Variants in BBX observed in about 807,000 individuals in gnomAD.
BBX encodes the protein BBX high mobility group box domain containing.
Under a neutral mutation model 100.2 loss-of-function variants are expected in BBX, and 30 were observed. The observed-to-expected ratio is 0.30, with a 90% CI of 0.22 to 0.41. BBX has a LOEUF of 0.41. Among genes scored for constraint, BBX ranks in the 10% least tolerant of loss-of-function variants. The pLI, the probability that BBX is intolerant of heterozygous loss-of-function variation, is 1.00. For missense variants in BBX, 1,023 were observed against 1,129.8 expected, an observed-to-expected ratio of 0.91 and a Z score of 1.35; for synonymous variants, 376 against 388.1, an observed-to-expected ratio of 0.97 and a Z score of 0.37.
chr3:107,780,978 T>C (rs546769338), intron 13 of BBX, among the ~76,000 whole-genome samples: 1 of 152,116 alleles, frequency 6.6e-6, no homozygotes, highest in Non-Finnish European at 1.5e-5. Flanking sequence ...AATTTGCCAT[T>C]TGTCTATATT....
chr3:107,662,903 T>TA (rs995539914), intron 3 of BBX: 7 of 152,272 alleles, frequency 4.6e-5, no homozygotes, highest in Admixed American at 3.3e-4. Context: ...CGCGGATACT[T>TA]AAAAATACCT....
intron 10 of BBX, among the ~76,000 whole-genome samples, chr3:107,764,794 C>A (rs2066239054): frequency 6.6e-6 from 1 of 152,192 alleles, no homozygotes; most frequent in Non-Finnish European, 1.5e-5. Flanking sequence ...GCCATTAATT[C>A]TGTTTCCCAC....
intron 3 of BBX, among the ~76,000 whole-genome samples, chr3:107,676,550 A>G (rs1178329508): frequency 6.6e-6 from 1 of 152,188 alleles, no homozygotes; most frequent in African/African-American, 2.4e-5. Flanking sequence ...CTGTCCTGAT[A>G]TAATGATGCT....
chr3:107,607,418 T>A (rs1275451261), intron 2 of BBX, among the ~76,000 whole-genome samples: 1 of 152,160 alleles, frequency 6.6e-6, no homozygotes, highest in Non-Finnish European at 1.5e-5. Flanking sequence ...TAGTATTCCA[T>A]TGTGTGTGTG....
At chr3:107,654,051 T>A (rs1271595161) in intron 3 of BBX, among the ~76,000 whole-genome samples, 3 of 152,142 alleles carry the variant, frequency 2.0e-5, no homozygotes, top group Non-Finnish European at 2.9e-5. Flanking sequence ...ATTGTTAGAG[T>A]TACCAAATCA....
At chr3:107,626,654 ATTT>A (rs11331777) in intron 2 of BBX, among the ~76,000 whole-genome samples, 26 of 131,438 alleles carry the variant, frequency 2.0e-4, no homozygotes, top group South Asian at 2.5e-4. Flanking sequence ...TTTCCATAGG[ATTT>A]TTTTTTTTTT....
At position 107,710,568 on chromosome 3, in the gene BBX, T is replaced by C. The variant is rs769814455; in HGVS notation, c.108T>C (p.Leu36=). Residue 36 remains leucine, a synonymous_variant, in exon 4 of 18, where the codon CTT becomes CTC. Coordinates refer to ENST00000325805, the MANE Select transcript of BBX (RefSeq NM_001142568.3). The part of the protein sequence containing the change: ...LQWHPLLAKK[L]LDFSEEEEEE... ...GGCATCCATTGCTAGCAAAGAAACT[T>C]CTTGATTTTTCAGAAGAGGAAGAAG... The C allele has an allele frequency of 2.5e-6, 4 of 1,613,762 alleles. No individual in the cohort carries two copies. Among genetic ancestry groups the C allele is most frequent in the Admixed American group, 1.7e-5 (1 of 59,968 alleles).
At chr3:107,733,359 T>C (rs1273958709) in intron 7 of BBX, among the ~76,000 whole-genome samples, 1 of 152,198 alleles carries the variant, frequency 6.6e-6, no homozygotes, top group East Asian at 1.9e-4. Flanking sequence ...CATTCTCTGC[T>C]TGGGTGATGT....
chr3:107,569,732 A>G (rs952969495), intron 2 of BBX, among the ~76,000 whole-genome samples: 9 of 152,236 alleles, frequency 5.9e-5, no homozygotes, highest in East Asian at 1.9e-4. Flanking sequence ...GTCAATGCCT[A>G]CAACAGTTAT....
chr3:107,659,819 A>ACAGC, intron 3 of BBX: 2 of 1,128,670 alleles, frequency 1.8e-6, no homozygotes, highest in Non-Finnish European at 2.4e-6. Flanking sequence ...TGAGACTAGA[A>ACAGC]ATGCTGTTCT....
At chr3:107,760,561 GAAAT>G (rs1394795009) in intron 10 of BBX, among the ~76,000 whole-genome samples, 2 of 152,142 alleles carry the variant, frequency 1.3e-5, no homozygotes, top group Non-Finnish European at 2.9e-5. Flanking sequence ...TAAGGAATAA[GAAAT>G]AAAGAGTGCA....
chr3:107,562,680 T>C (rs2050593835), intron 2 of BBX, among the ~76,000 whole-genome samples: 1 of 152,170 alleles, frequency 6.6e-6, no homozygotes, highest in Admixed American at 6.5e-5. Context: ...AAAACTGTTT[T>C]TTTTACACTT....
chr3:107,573,857 G>C (rs2051567331), intron 2 of BBX, among the ~76,000 whole-genome samples: 1 of 152,128 alleles, frequency 6.6e-6, no homozygotes, highest in South Asian at 2.1e-4. Context: ...CTCCCGAGTA[G>C]CTGGGATTAC....
chr3:107,800,172 A>G (rs763109876), intron 16 of BBX, among the ~76,000 whole-genome samples: 12 of 152,234 alleles, frequency 7.9e-5, no homozygotes, highest in Admixed American at 2.6e-4. Flanking sequence ...AGTACATTCA[A>G]TACAATAGAA....
At position 107,526,376 on chromosome 3, in the gene BBX, G is replaced by A; in HGVS notation, c.-106G>A. The A allele has an allele frequency of 2.5e-6, 1 of 398,640 alleles. No homozygotes were observed. Among genetic ancestry groups the A allele is most frequent in the Non-Finnish European group, 4.4e-6 (1 of 226,086 alleles). The allele number at this position is 398,640 out of a possible 1,614,324, so 24.7% of individuals were successfully genotyped here. ...TGCCGCAGTTCATCTTCCTCCCTGT[G>A]TACTTTCCATTTGCCTTCCTGGGTA... On this transcript the variant is annotated 5_prime_UTR_variant, in exon 2 of 18. Transcript: ENST00000325805.
chr3:107,605,653 G>GT lies in BBX; in HGVS notation c.-83-40179dup, dbSNP rs559386415. Among the ~76,000 whole-genome samples the GT allele has an allele frequency of 6.6e-5, 10 of 152,100 alleles. No homozygotes were observed. In the East Asian group the frequency reaches 1.9e-3, roughly 29 times the overall value. On this transcript the variant is annotated intron_variant, in intron 2 of 17. Coordinates refer to ENST00000325805, the MANE Select transcript of BBX (RefSeq NM_001142568.3). ...ACACAGTTGATGGTAGAGTAATATC[G>GT]TTTTGTTCTTAATAAATCACAGTAT...
intron 12 of BBX, 91 bp downstream of exon 12, chr3:107,774,948 T>G: frequency 6.9e-7 from 1 of 1,450,658 alleles, no homozygotes; most frequent in Non-Finnish European, 9.2e-7. Flanking sequence ...CTACGCATGC[T>G]TGTTCTTTGA....
At chr3:107,689,866 A>G (rs1363435488) in intron 3 of BBX, among the ~76,000 whole-genome samples, 1 of 152,238 alleles carries the variant, frequency 6.6e-6, no homozygotes, top group Non-Finnish European at 1.5e-5. Flanking sequence ...CAGAGCCTTT[A>G]TAGGCTGTGT....
intron 2 of BBX, among the ~76,000 whole-genome samples, chr3:107,549,794 T>C (rs552134785): frequency 6.6e-6 from 1 of 152,044 alleles, no homozygotes; most frequent in African/African-American, 2.4e-5. Flanking sequence ...AAATTCCTAA[T>C]AGCAGTCAGG....
Sources: allele counts gnomAD v4.1 joint callset (sites outside exome capture counted in the v4.1 genomes callset), GRCh38; gene constraint gnomAD v4.1.1; transcripts MANE v1.5; gene names NCBI Gene and HGNC (gene_info 2026-07-23, HGNC 2026-07-21).